Variants in MCTP1 observed in about 807,000 individuals in gnomAD.
The protein encoded by MCTP1 is multiple C2 and transmembrane domain-containing protein 1.
A neutral mutation model predicts 120.6 loss-of-function variants in MCTP1; 69 were observed. That is an observed-to-expected ratio of 0.57 (90% CI 0.47 to 0.70). The LOEUF is 0.70. Ranked by LOEUF, MCTP1 falls within the 30% of genes least tolerant of loss-of-function variation. The pLI, the probability that MCTP1 is intolerant of heterozygous loss-of-function variation, is 0.00. For synonymous variants in MCTP1, 529 were observed against 493.1 expected, an observed-to-expected ratio of 1.07 and a Z score of -0.96; for missense variants, 1,203 against 1,248.8, an observed-to-expected ratio of 0.96 and a Z score of 0.55.
intron 10 of MCTP1, among the ~76,000 whole-genome samples, chr5:94,905,341 T>C (rs1325998183): frequency 1.3e-5 from 2 of 152,310 alleles, no homozygotes; most frequent in East Asian, 3.9e-4. Flanking sequence ...TAGATTATGA[T>C]GCAAAACAAT....
At chr5:95,160,193 G>A (rs1745564131) in intron 1 of MCTP1, among the ~76,000 whole-genome samples, 1 of 152,154 alleles carries the variant, frequency 6.6e-6, no homozygotes, top group African/African-American at 2.4e-5. Context: ...AATAGTGAAG[G>A]AGAATCAGAT....
At chr5:94,804,502 G>C (rs1310688418) in intron 17 of MCTP1, among the ~76,000 whole-genome samples, 1 of 151,962 alleles carries the variant, frequency 6.6e-6, no homozygotes, top group Non-Finnish European at 1.5e-5. Flanking sequence ...GCAGTGGCGC[G>C]ATGTCGGCTC....
At chr5:94,858,740 T>C (rs1795186893) in intron 17 of MCTP1, among the ~76,000 whole-genome samples, 1 of 151,692 alleles carries the variant, frequency 6.6e-6, no homozygotes, top group Admixed American at 6.6e-5. Context: ...TAACCTCCAT[T>C]CCAGTTGTAC....
chr5:94,715,483 CAT>C (rs1348005035), intron 19 of MCTP1, among the ~76,000 whole-genome samples: 1 of 151,104 alleles, frequency 6.6e-6, no homozygotes, highest in African/African-American at 2.4e-5. Flanking sequence ...ATAGTCTAGT[CAT>C]ATATTTTATA....
At chr5:95,250,183 G>A (rs935539647) in intron 1 of MCTP1, among the ~76,000 whole-genome samples, 32 of 152,058 alleles carry the variant, frequency 2.1e-4, no homozygotes, top group Non-Finnish European at 4.0e-4. Flanking sequence ...TAAAAATAAT[G>A]AAGATAAGCA....
intron 17 of MCTP1, among the ~76,000 whole-genome samples, chr5:94,831,465 G>T (rs909759849): frequency 3.3e-5 from 5 of 152,170 alleles, no homozygotes; most frequent in East Asian, 1.9e-4. Context: ...GTTTGCAAAA[G>T]ATTTTTTTAT....
chr5:94,912,455 A>G (rs868002713), intron 9 of MCTP1, among the ~76,000 whole-genome samples: 2,703 of 120,480 alleles, frequency 0.022, 251 homozygotes, highest in African/African-American at 0.07. Flanking sequence ...AAAAAAAAAA[A>G]AAAAAAAAAA....
chr5:94,734,078 A>C (rs1654806221), intron 19 of MCTP1, among the ~76,000 whole-genome samples: 1 of 152,182 alleles, frequency 6.6e-6, no homozygotes, highest in Non-Finnish European at 1.5e-5. Context: ...GTAGAGTGAT[A>C]TTGTAATTAA....
chr5:95,274,095 C>T (rs569645092), intron 1 of MCTP1, among the ~76,000 whole-genome samples: 3 of 152,254 alleles, frequency 2.0e-5, no homozygotes, highest in Non-Finnish European at 2.9e-5. Flanking sequence ...GGAGAGTACA[C>T]GTCTCAGCCC....
intron 3 of MCTP1, among the ~76,000 whole-genome samples, chr5:94,947,599 G>T (rs868407383): frequency 0.012 from 1,197 of 97,842 alleles, 39 homozygotes; most frequent in East Asian, 0.037. Context: ...GAGAGAGAGA[G>T]AGAGAGAGAG....
At chr5:95,151,666 T>G (rs1212298768) in intron 1 of MCTP1, among the ~76,000 whole-genome samples, 1 of 152,212 alleles carries the variant, frequency 6.6e-6, no homozygotes, top group Non-Finnish European at 1.5e-5. Context: ...TATCTGCATT[T>G]CAACCAATTT....
chr5:94,965,535 AGT>A (rs1825377132), intron 2 of MCTP1, among the ~76,000 whole-genome samples: 1 of 151,098 alleles, frequency 6.6e-6, no homozygotes, highest in African/African-American at 2.4e-5. Context: ...TTTTTTTATC[AGT>A]CTTTCTGTGA....
At chr5:95,063,815 CATTTTTTAT>C (rs112928261) in intron 1 of MCTP1, among the ~76,000 whole-genome samples, 1,206 of 51,858 alleles carry the variant, frequency 0.023, 15 homozygotes, top group African/African-American at 0.039. Context: ...CTAGGCTGGT[CATTTTTTAT>C]ATTTTTTATT....
intron 1 of MCTP1, among the ~76,000 whole-genome samples, chr5:95,053,726 C>A (rs542535704): frequency 3.3e-5 from 5 of 152,122 alleles, no homozygotes; most frequent in African/African-American, 9.6e-5. Context: ...GGCTCTGACT[C>A]AAAAATTACA....
At chr5:95,208,603 A>G (rs1751949309) in intron 1 of MCTP1, among the ~76,000 whole-genome samples, 1 of 152,152 alleles carries the variant, frequency 6.6e-6, no homozygotes. Context: ...GCAGGAACAT[A>G]CAAGCAGAGG....
intron 1 of MCTP1, among the ~76,000 whole-genome samples, chr5:95,025,811 C>T (rs1839153979): frequency 6.6e-6 from 1 of 152,170 alleles, no homozygotes; most frequent in Non-Finnish European, 1.5e-5. Context: ...AACAGCCCCT[C>T]AAGTAATTTC....
At chr5:94,752,426 C>A (rs1395495480) in intron 19 of MCTP1, among the ~76,000 whole-genome samples, 3 of 151,826 alleles carry the variant, frequency 2.0e-5, no homozygotes, top group Admixed American at 2.0e-4. Context: ...TTGTACATAC[C>A]TAAGTTCAGA....
intron 5 of MCTP1, among the ~76,000 whole-genome samples, chr5:94,933,548 A>C (rs1037801759): frequency 6.6e-6 from 1 of 151,918 alleles, no homozygotes; most frequent in African/African-American, 2.4e-5. Flanking sequence ...TGGACAAAGA[A>C]TGGTATATCC....
chr5:95,165,273 T>C (rs1746194271), intron 1 of MCTP1, among the ~76,000 whole-genome samples: 1 of 152,200 alleles, frequency 6.6e-6, no homozygotes, highest in Admixed American at 6.5e-5. Flanking sequence ...GCAAAAGTAA[T>C]GGCAAAAACT....
Sources: allele counts gnomAD v4.1 joint callset (sites outside exome capture counted in the v4.1 genomes callset), GRCh38; gene constraint gnomAD v4.1.1; transcripts MANE v1.5; gene names NCBI Gene and HGNC (gene_info 2026-07-23, HGNC 2026-07-21).